ACACB: variants seen among roughly 807,000 people sequenced by gnomAD.
The protein encoded by ACACB is acetyl-CoA carboxylase beta.
Under a neutral mutation model 278.8 loss-of-function variants are expected in ACACB, and 209 were observed. The ratio of observed to expected loss-of-function variants is 0.75; its 90% CI spans 0.67 to 0.84. ACACB has a LOEUF of 0.84. Ranked by LOEUF, ACACB falls within the 40% of genes least tolerant of loss-of-function variation. The probability of loss-of-function intolerance (pLI) is 0.00; values close to 1 mark genes in which losing one functional copy is unlikely to be tolerated. For synonymous variants in ACACB, 1,174 were observed against 1,285.6 expected (o/e 0.91, Z 1.86); for missense variants, 2,850 against 3,269.0 (o/e 0.87, Z 3.13).
At chr12:109,223,394 C>T (rs929629343) in intron 26 of ACACB, among the ~76,000 whole-genome samples, 3 of 152,254 alleles carry the variant, frequency 2.0e-5, no homozygotes, top group South Asian at 2.1e-4. Context: ...GGGCACTGAT[C>T]GCTTTTAGTG....
intron 1 of ACACB, among the ~76,000 whole-genome samples, chr12:109,134,321 T>A (rs1234383693): frequency 6.6e-6 from 1 of 152,148 alleles, no homozygotes; most frequent in East Asian, 1.9e-4. Context: ...CTGCCGAATT[T>A]CTAAAGCATT....
chr12:109,192,612 GC>G (rs1025930660), intron 15 of ACACB, among the ~76,000 whole-genome samples: 2 of 152,054 alleles, frequency 1.3e-5, no homozygotes, highest in African/African-American at 4.8e-5. Context: ...GAGAACTGCT[GC>G]AAGAGGCAAA....
rs548900126 is a variant in ACACB at position 109,263,936 on chromosome 12, C to G, written c.6788-296C>G. 1.3e-5 allele frequency: 4 copies of G among 317,124 alleles called. No individual in the cohort carries two copies. The South Asian group carries it at 3.4e-4, about 27-fold the overall frequency. The allele number at this position is 317,124 out of a possible 1,614,324, so 19.6% of individuals were successfully genotyped here. On this transcript the variant is annotated intron_variant, in intron 49 of 52. Coordinates refer to ENST00000338432, the MANE Select transcript of ACACB (RefSeq NM_001093.4). ...TGTAGAGTTGCATGTTGAATGCTGT[C>G]TTGCAATTGTGAGTGCATTTCTGAG...
rs781052311 is a variant in ACACB at position 109,260,515 on chromosome 12, A to G, written c.6532A>G (p.Ile2178Val). 6 of 1,614,078 alleles carry G rather than the reference A, an allele frequency of 3.7e-6. No individual in the cohort carries two copies. The South Asian group carries it at 5.5e-5, about 15-fold the overall frequency. The change falls in exon 48 of 53, where the codon ATC (isoleucine) becomes GTC (valine). Residue 2178 changes from isoleucine to valine, a missense_variant. Around this residue, in one of 3 missense-constraint regions of ACACB, gnomAD observed 579 missense variants for 684.6 expected, o/e 0.85. Transcript: ENST00000338432. ...CCAGGTGCTGAAGTTTGGAGCCTAC[A>G]TCGTGGACGGCCTTAGACAATACAA... ...YDQVLKFGAYIVDGLRQYKQP... is the reference protein window; with the variant it reads ...YDQVLKFGAYVVDGLRQYKQP...
chr12:109,127,887 A>G (rs532117247), intron 1 of ACACB, among the ~76,000 whole-genome samples: 1 of 152,240 alleles, frequency 6.6e-6, no homozygotes, highest in South Asian at 2.1e-4. Context: ...TATCTTCTTC[A>G]GATGTAAAAA....
chr12:109,238,521 T>C (rs900576486), intron 34 of ACACB, among the ~76,000 whole-genome samples: 17 of 145,200 alleles, frequency 1.2e-4, no homozygotes, highest in African/African-American at 4.0e-4. Flanking sequence ...ATTATATGTA[T>C]TTATATAAAT....
chr12:109,233,918 C>T lies in ACACB; in HGVS notation c.4240-20C>T, dbSNP rs558726867. 10 of 1,613,596 alleles carry T rather than the reference C, an allele frequency of 6.2e-6. No individual in the cohort carries two copies. In the East Asian group the frequency reaches 2.2e-4, roughly 36 times the overall value. On this transcript the variant is annotated intron_variant, in intron 30 of 52. Coordinates refer to ENST00000338432, the MANE Select transcript of ACACB (RefSeq NM_001093.4). The stretch of plus-strand genomic sequence containing the variant: ...TGGCCCCCAGGCTTTCCAGCCCTAC[C>T]CCTTGCTTCTCCCTCTCAGAGCCTC...
At chr12:109,131,753 A>G (rs927851480) in intron 1 of ACACB, among the ~76,000 whole-genome samples, 22 of 152,160 alleles carry the variant, frequency 1.4e-4, no homozygotes, top group South Asian at 2.1e-4. Flanking sequence ...TTTGTCTGGC[A>G]TCTGGTTTTC....
In ACACB at chr12:109,139,936, G is replaced by A. The variant is rs761446373; in HGVS notation, c.531G>A (p.Glu177=). The A allele has an allele frequency of 5.0e-6, 8 of 1,614,140 alleles. No homozygotes were observed. Among genetic ancestry groups the A allele is most frequent in the South Asian group, 3.3e-5 (3 of 91,080 alleles). Residue 177 remains glutamate (E), a synonymous_variant, in exon 2 of 53, where the codon GAG becomes GAA. Coordinates refer to ENST00000338432, the MANE Select transcript of ACACB (RefSeq NM_001093.4). ...LGSFDDYSSD[E]DSVAGSSRES... ...CTTTTGATGACTACTCCTCCGACGAGGACTCTGTTGCTGGCTCATCTCGTG... is the reference window on the plus strand; with the variant it reads ...CTTTTGATGACTACTCCTCCGACGAAGACTCTGTTGCTGGCTCATCTCGTG...
chr12:109,193,162 A>G lies in ACACB; in HGVS notation c.2400-486A>G, dbSNP rs575952453. ...GCTGATTCCTTAAGTTCTAAGCAAT[A>G]TCAGGCTGCTCAGGGTGATTCAGGT... On this transcript the variant is annotated intron_variant, in intron 15 of 52. Coordinates refer to ENST00000338432, the MANE Select transcript of ACACB (RefSeq NM_001093.4). Among the ~76,000 whole-genome samples, 4 of 151,326 alleles carry G rather than the reference A, an allele frequency of 2.6e-5. No homozygotes were observed. The East Asian group carries it at 7.8e-4, about 29-fold the overall frequency.
chr12:109,260,118 C>T (rs868823076), intron 47 of ACACB: 2 of 1,375,944 alleles, frequency 1.5e-6, no homozygotes, highest in African/African-American at 2.9e-5. Flanking sequence ...GGCCATGTTG[C>T]CCATGCACAT....
intron 1 of ACACB, among the ~76,000 whole-genome samples, chr12:109,133,297 C>T (rs1205016546): frequency 1.3e-5 from 2 of 151,858 alleles, no homozygotes; most frequent in African/African-American, 4.8e-5. Flanking sequence ...GTGGCGTGAT[C>T]TTGGCTCACT....
At chr12:109,155,264 G>C (rs1203048348) in intron 2 of ACACB, among the ~76,000 whole-genome samples, 3 of 152,208 alleles carry the variant, frequency 2.0e-5, no homozygotes, top group African/African-American at 7.2e-5. Flanking sequence ...GCCTCCAGAA[G>C]CTGATGGTTG....
At chr12:109,165,282 A>G (rs1381694122) in intron 2 of ACACB, among the ~76,000 whole-genome samples, 1 of 152,208 alleles carries the variant, frequency 6.6e-6, no homozygotes, top group African/African-American at 2.4e-5. Context: ...GACAGCCAGT[A>G]CCTACGGAAG....
At chr12:109,140,337 TCCTTCCTTCCTTCCC>T (rs2043090705) in intron 2 of ACACB, among the ~76,000 whole-genome samples, 1 of 98,636 alleles carries the variant, frequency 1.0e-5, no homozygotes, top group Non-Finnish European at 2.2e-5. Flanking sequence ...CTTCCTTCCT[TCCTTCCTTCCTTCCC>T]TCCTTTCAAA....
chr12:109,193,587 G>A (rs1450424472), intron 15 of ACACB, 61 bp from the exon 16 acceptor site: 5 of 1,336,780 alleles, frequency 3.7e-6, no homozygotes, highest in South Asian at 2.4e-5. Flanking sequence ...TAAATGCAAG[G>A]GATGGCTGTG....
chr12:109,265,228 A>ATAT lies in ACACB; in HGVS notation c.7062_7064dup (p.Ile2355dup). ...GCCAGCGGGGAGCTGAGTCACGTGC[A>ATAT]TATCCAGTCCATGCTGCGTCGCTGG... On this transcript the variant is annotated inframe_insertion, in exon 51 of 53. Coordinates refer to ENST00000338432, the MANE Select transcript of ACACB (RefSeq NM_001093.4). 3 of 1,613,708 alleles carry ATAT rather than the reference A, an allele frequency of 1.9e-6. No homozygotes were observed. The highest frequency in any genetic ancestry group is 2.5e-6 in the Non-Finnish European group (3 of 1,180,028).
chr12:109,252,015 C>T lies in ACACB; in HGVS notation c.5791-31C>T, dbSNP rs1258049292. 1.9e-6 allele frequency: 3 copies of T among 1,560,368 alleles called. No individual in the cohort carries two copies. The African/African-American group carries it at 4.1e-5, about 21-fold the overall frequency. Reference sequence around the variant, plus strand: ...TGGGGGGTGGGTCCCTCGCCACTCTCCAGAATTCAGAGGGGGTCCTCTCTC... The same window carrying T: ...TGGGGGGTGGGTCCCTCGCCACTCTTCAGAATTCAGAGGGGGTCCTCTCTC... On this transcript the variant is annotated intron_variant, in intron 41 of 52. Transcript: ENST00000338432.
Position 109,232,747 on chromosome 12 carries a change from C to A in ACACB, c.4080C>A (p.Ser1360=). 4 of 1,614,150 alleles carry A rather than the reference C, an allele frequency of 2.5e-6. No homozygotes were observed. The highest frequency in any genetic ancestry group is 3.4e-6 in the Non-Finnish European group (4 of 1,180,034). Reference sequence around the variant, plus strand: ...AGCTCTTCATGGACAGCGGCTTCTCCCCACTGTGCCAGCGCATGGGAGCCA... The same window carrying A: ...AGCTCTTCATGGACAGCGGCTTCTCACCACTGTGCCAGCGCATGGGAGCCA... ...STELFMDSGF[S]PLCQRMGAMV... is the part of the protein sequence containing the mutation. The change falls in exon 29 of 53, where the codon TCC becomes TCA. Residue 1360 remains serine (S), a synonymous_variant. Transcript: ENST00000338432.
Sources: gnomAD v4.1 joint callset for allele counts (sites outside exome capture counted in the v4.1 genomes callset) on GRCh38, gnomAD v4.1.1 for gene constraint, gnomAD v4.1.1 regional missense constraint, MANE v1.5 for transcripts, NCBI Gene and HGNC (gene_info 2026-07-23, HGNC 2026-07-21) for gene names.